INO80: variants seen among roughly 807,000 people sequenced by gnomAD.
INO80 encodes the protein chromatin-remodeling ATPase INO80.
Under a neutral mutation model 203.4 loss-of-function variants are expected in INO80, and 20 were observed. The ratio of observed to expected loss-of-function variants is 0.10; its 90% CI spans 0.07 to 0.14. INO80 has a LOEUF of 0.14. Among genes scored for constraint, INO80 ranks in the 10% least tolerant of loss-of-function variants. INO80 has a pLI of 1.00. For missense variants in INO80, 1,419 were observed against 1,914.4 expected (o/e 0.74, Z 4.83); for synonymous variants, 726 against 685.2 (o/e 1.06, Z -0.93).
intron 15 of INO80, 146 bp downstream of exon 15, chr15:41,059,721 T>G (rs2045068383): frequency 1.8e-6 from 1 of 543,018 alleles, no homozygotes; most frequent in Non-Finnish European, 3.2e-6. Context: ...GGAAAAGTAT[T>G]GTATCAGAAA....
At chr15:41,040,690 GCAAACCTAACC>G (rs1208128579) in intron 24 of INO80, among the ~76,000 whole-genome samples, 1 of 151,924 alleles carries the variant, frequency 6.6e-6, no homozygotes, top group African/African-American at 2.4e-5. Context: ...GAACAACACA[GCAAACCTAACC>G]CTAACCTAAC....
chr15:41,091,961 T>C, intron 5 of INO80, 66 bp downstream of exon 5: 2 of 1,392,708 alleles, frequency 1.4e-6, no homozygotes, highest in Non-Finnish European at 9.9e-7. Flanking sequence ...CAAAATGATG[T>C]ATCTTTAATG....
chr15:41,070,688 C>T (rs1267970884), intron 12 of INO80, 141 bp from the exon 13 acceptor site: 2 of 674,164 alleles, frequency 3.0e-6, no homozygotes, highest in Non-Finnish European at 5.2e-6. Context: ...CTTTTACCCA[C>T]TGCTATAGTA....
chr15:40,984,054 T>TC, intron 33 of INO80, 133 bp from the exon 34 acceptor site: 1 of 1,347,404 alleles, frequency 7.4e-7, no homozygotes, highest in South Asian at 1.3e-5. Context: ...CATTTGTTTT[T>TC]CTCCTTACAG....
intron 35 of INO80, 69 bp downstream of exon 35, chr15:40,982,793 C>CCTGA (rs1893878992): frequency 1.5e-6 from 2 of 1,311,182 alleles, no homozygotes; most frequent in African/African-American, 1.5e-5. Flanking sequence ...ACATGTTCTA[C>CCTGA]CTGACTGACA....
At chr15:41,044,093 G>A (rs776107716) in intron 24 of INO80, among the ~76,000 whole-genome samples, 6 of 152,186 alleles carry the variant, frequency 3.9e-5, no homozygotes, top group Non-Finnish European at 8.8e-5. Context: ...CTCACATACC[G>A]TAGGTGCAAA....
At chr15:41,000,068 G>A (rs369511307) in intron 28 of INO80, among the ~76,000 whole-genome samples, 2 of 152,210 alleles carry the variant, frequency 1.3e-5, no homozygotes, top group East Asian at 3.9e-4. Flanking sequence ...ATGCACTCCA[G>A]CCTAAGCAAC....
At position 41,069,562 on chromosome 15, in the gene INO80, A is replaced by G; in HGVS notation, c.1782+8T>C. ...AGCAATAGATGTTTTGGTTGGACTG[A>G]TATTTACCTTAAATTTAGGAACAAA... is the stretch of plus-strand genomic sequence containing the variant. On this transcript the variant is annotated splice_region_variant and intron_variant, in intron 14 of 35. Coordinates refer to ENST00000648947, the MANE Select transcript of INO80 (RefSeq NM_017553.3). 1 of 1,506,750 alleles carries G rather than the reference A, an allele frequency of 6.6e-7. No homozygotes were observed. The highest frequency in any genetic ancestry group is 9.2e-7 in the Non-Finnish European group (1 of 1,087,674). The allele number at this position is 1,506,750 out of a possible 1,614,324, so 93.3% of individuals were successfully genotyped here. A position where few individuals can be genotyped will look rare whatever the true frequency, so the allele number is the denominator to read the frequency against.
chr15:41,047,310 A>G (rs2044785667), intron 23 of INO80, 98 bp downstream of exon 23: 1 of 792,226 alleles, frequency 1.3e-6, no homozygotes, highest in South Asian at 1.6e-5. Context: ...CAAGTTCTCT[A>G]AGATGATATC....
intron 17 of INO80, among the ~76,000 whole-genome samples, chr15:41,055,652 C>T (rs562448842): frequency 1.6e-4 from 24 of 152,284 alleles, no homozygotes; most frequent in African/African-American, 4.8e-4. Context: ...ATAGTTTTAA[C>T]GATCTTCTTA....
intron 4 of INO80, 83 bp downstream of exon 4, chr15:41,095,518 G>T: frequency 1.0e-6 from 1 of 963,556 alleles, no homozygotes; most frequent in Non-Finnish European, 1.6e-6. Context: ...CTGTCAATCT[G>T]CCAAAATGAG....
At chr15:41,002,568 A>G (rs1184422786) in intron 28 of INO80, among the ~76,000 whole-genome samples, 1 of 152,230 alleles carries the variant, frequency 6.6e-6, no homozygotes, top group Non-Finnish European at 1.5e-5. Flanking sequence ...AAGTCAACAT[A>G]CTACAGCTCT....
At chr15:41,080,996 G>T (rs1420043942) in intron 8 of INO80, 24 bp downstream of exon 8, 1 of 1,518,622 alleles carries the variant, frequency 6.6e-7, no homozygotes. Flanking sequence ...ACATGAAATG[G>T]AAAATACAAA....
At position 41,049,560 on chromosome 15, in the gene INO80, T is replaced by C. The variant is rs888646943; in HGVS notation, c.2443-140A>G. 9.0e-5 allele frequency: 73 copies of C among 809,140 alleles called. No individual in the cohort carries two copies. The East Asian group carries it at 1.8e-3, about 20-fold the overall frequency. The allele number at this position is 809,140 out of a possible 1,614,324, so 50.1% of individuals were successfully genotyped here. A position where few individuals can be genotyped will look rare whatever the true frequency, so the allele number is the denominator to read the frequency against. ...ATCTCATTAATAGCCTTTGCTTATC[T>C]GGCATCAAGGATAGACTGTTTTTCT... On this transcript the variant is annotated intron_variant, in intron 20 of 35. Transcript: ENST00000648947.
intron 35 of INO80, 112 bp downstream of exon 35, chr15:40,982,750 C>T (rs1893877120): frequency 1.2e-6 from 1 of 855,782 alleles, no homozygotes; most frequent in African/African-American, 1.7e-5. Context: ...AATTGGGGCT[C>T]TAGGAAGAAA....
chr15:41,109,084 G>C (rs1225519766), intron 1 of INO80: 1 of 165,832 alleles, frequency 6.0e-6, no homozygotes, highest in Non-Finnish European at 1.3e-5. Context: ...ATCCCAAGAA[G>C]TCTATTCCTG....
At chr15:41,050,876 G>A (rs533970913) in intron 19 of INO80, among the ~76,000 whole-genome samples, 4 of 152,248 alleles carry the variant, frequency 2.6e-5, no homozygotes, top group African/African-American at 9.6e-5. Context: ...GCTCACGCCT[G>A]TAATCCCAGG....
At chr15:41,090,842 T>C (rs2045629054) in intron 5 of INO80, among the ~76,000 whole-genome samples, 2 of 152,152 alleles carry the variant, frequency 1.3e-5, no homozygotes, top group Admixed American at 1.3e-4. Flanking sequence ...GTATCTTTTT[T>C]TTTTTAAGAA....
chr15:41,054,080 AC>A, intron 18 of INO80, 66 bp from the exon 19 acceptor site: 1 of 1,211,888 alleles, frequency 8.3e-7, no homozygotes, highest in Non-Finnish European at 1.2e-6. Flanking sequence ...AGAAACAAAT[AC>A]CACATTCACC....
Sources: gnomAD v4.1 joint callset for allele counts (sites outside exome capture counted in the v4.1 genomes callset) on GRCh38, gnomAD v4.1.1 for gene constraint, MANE v1.5 for transcripts, NCBI Gene and HGNC (gene_info 2026-07-23, HGNC 2026-07-21) for gene names.